The following ZFYVE16 variants were observed in gnomAD, a reference collection of about 807,000 sequenced individuals.
ZFYVE16 encodes the protein zinc finger FYVE domain-containing protein 16.
In ZFYVE16, 89 loss-of-function variants were observed where a neutral mutation model predicts 138.1. The observed-to-expected ratio is 0.64, with a 90% CI of 0.54 to 0.77. ZFYVE16 has a LOEUF of 0.77. Among genes scored for constraint, ZFYVE16 ranks in the 30% least tolerant of loss-of-function variants. The pLI is 0.00. For missense variants in ZFYVE16, 1,793 were observed against 1,786.7 expected, an observed-to-expected ratio of 1.00 and a Z score of -0.06; for synonymous variants, 596 against 618.3, an observed-to-expected ratio of 0.96 and a Z score of 0.53.
At chr5:80,427,434 C>G (rs1408867391) in intron 1 of ZFYVE16, 58 bp from the exon 2 acceptor site, 2 of 151,956 alleles carry the variant, frequency 1.3e-5, no homozygotes, top group African/African-American at 4.8e-5. Context: ...CCCATTTAAG[C>G]CAGTGCCCTT....
Position 80,437,863 on chromosome 5 carries a change from C to T in ZFYVE16, c.1178C>T (p.Ala393Val). The T allele has an allele frequency of 3.1e-6, 5 of 1,613,944 alleles. No individual in the cohort carries two copies. Among genetic ancestry groups the T allele is most frequent in the Non-Finnish European group, 4.2e-6 (5 of 1,179,962 alleles). The change falls in exon 4 of 19, where the codon GCA becomes GTA. Residue 393 changes from alanine to valine, a missense_variant. Ala to Val is a moderately conservative substitution (Grantham distance 64). Around this residue, in one of 2 missense-constraint regions of ZFYVE16, gnomAD observed 1,295 missense variants for 1,204.3 expected, o/e 1.08. Coordinates refer to ENST00000505560, the MANE Select transcript of ZFYVE16 (RefSeq NM_001284236.3). ...SMCGSLIESKARGDFLPQHEH... is the reference protein window; with the variant it reads ...SMCGSLIESKVRGDFLPQHEH... ...TGTGGATCATTAATTGAAAGTAAAG[C>T]ACGGGGTGATTTTTTACCTCAGCAT...
intron 5 of ZFYVE16, chr5:80,440,500 A>G: frequency 1.0e-6 from 1 of 985,470 alleles, no homozygotes; most frequent in Non-Finnish European, 1.2e-6. Context: ...GATTTTATAA[A>G]TTCATAGGAC....
intron 15 of ZFYVE16, among the ~76,000 whole-genome samples, chr5:80,464,326 AC>A: frequency 6.6e-6 from 1 of 152,290 alleles, no homozygotes; most frequent in East Asian, 1.9e-4. Context: ...CACCTTCTTC[AC>A]AAGGCGGCAG....
In ZFYVE16 at chr5:80,436,760, A is replaced by G. The variant is rs1026331166; in HGVS notation, c.75A>G (p.Glu25=). 6.2e-7 allele frequency: 1 copy of G among 1,605,486 alleles called. No homozygotes were observed. The highest frequency in any genetic ancestry group is 1.1e-5 in the South Asian group (1 of 90,218). Residue 25 remains glutamate (E), a synonymous_variant, in exon 4 of 19, where the codon GAA becomes GAG. Coordinates refer to ENST00000505560, the MANE Select transcript of ZFYVE16 (RefSeq NM_001284236.3). ...LLDDFEQNPD[E]QDYLQDVQNA... is the part of the protein sequence containing the mutation. ...AACACTGTTTCTCTATTTCAGATGA[A>G]CAAGATTATCTCCAAGATGTACAAA...
At chr5:80,415,971 G>A (rs1302565116) in intron 1 of ZFYVE16, among the ~76,000 whole-genome samples, 1 of 151,782 alleles carries the variant, frequency 6.6e-6, no homozygotes, top group East Asian at 2.0e-4. Context: ...CGGCCAACTT[G>A]CCACTTTTAA....
In ZFYVE16 at chr5:80,428,689, A is replaced by G. The variant is rs186838414; in HGVS notation, c.-40+1144A>G. Among the ~76,000 whole-genome samples the G allele has an allele frequency of 1.7e-4, 26 of 152,340 alleles. No individual in the cohort carries two copies. The South Asian group carries it at 3.7e-3, about 22-fold the overall frequency. Reference sequence around the variant, plus strand: ...AAGCAGGAAGTTCGAACCCATCGCAAAGAAGCTAAAAACCTTGAAGAAAGA... The same window carrying G: ...AAGCAGGAAGTTCGAACCCATCGCAGAGAAGCTAAAAACCTTGAAGAAAGA... On this transcript the variant is annotated intron_variant, in intron 2 of 18. Transcript: ENST00000505560.
intron 1 of ZFYVE16, chr5:80,409,938 C>A (rs1483357131): frequency 6.6e-6 from 1 of 151,966 alleles, no homozygotes; most frequent in Non-Finnish European, 1.5e-5. Flanking sequence ...AGTGTTTTTT[C>A]TGTAAGTAGA....
chr5:80,471,575 G>A (rs1024762658), intron 15 of ZFYVE16, among the ~76,000 whole-genome samples: 3 of 152,028 alleles, frequency 2.0e-5, no homozygotes, highest in African/African-American at 4.8e-5. Flanking sequence ...CCAGTGCATC[G>A]TTGGCACCAC....
At chr5:80,451,918 CTTT>C (rs1182068016) in intron 11 of ZFYVE16, 1 of 480,866 alleles carries the variant, frequency 2.1e-6, no homozygotes, top group Non-Finnish European at 3.6e-6. Context: ...TTCATAAGTT[CTTT>C]TATTACCTAA....
chr5:80,472,434 T>C (rs1754476576), intron 15 of ZFYVE16, among the ~76,000 whole-genome samples: 1 of 151,894 alleles, frequency 6.6e-6, no homozygotes, highest in South Asian at 2.1e-4. Flanking sequence ...GATCTCAGTA[T>C]TGCACTGCCT....
intron 1 of ZFYVE16, among the ~76,000 whole-genome samples, chr5:80,415,451 C>G (rs1204269216): frequency 6.6e-6 from 1 of 152,106 alleles, no homozygotes; most frequent in Non-Finnish European, 1.5e-5. Flanking sequence ...GTAGTCCTGT[C>G]TCCTTAGGCA....
intron 2 of ZFYVE16, among the ~76,000 whole-genome samples, chr5:80,433,436 G>A (rs1296592617): frequency 6.6e-6 from 1 of 152,116 alleles, no homozygotes; most frequent in Non-Finnish European, 1.5e-5. Flanking sequence ...AGGGCCTGTC[G>A]TGGTGTGGGG....
chr5:80,472,152 T>C (rs1000193420), intron 15 of ZFYVE16, among the ~76,000 whole-genome samples: 1 of 152,022 alleles, frequency 6.6e-6, no homozygotes, highest in African/African-American at 2.4e-5. Flanking sequence ...GACTTCAAAG[T>C]CTTCCATGCA....
Position 80,426,264 on chromosome 5 carries a change from GTGTGTGTGTATA to G in ZFYVE16, c.-93-1226_-93-1215del, listed in dbSNP as rs1561246027. The stretch of plus-strand genomic sequence containing the variant: ...TGTCTGTGTGTGTGTGTGTGTGTGT[GTGTGTGTGTATA>G]TATATATATATATATATAATTAAAT... On this transcript the variant is annotated intron_variant, in intron 1 of 18. Transcript: ENST00000505560. 5.4e-4 allele frequency among the ~76,000 whole-genome samples: 30 copies of G among 55,052 alleles called. No homozygotes were observed. In the East Asian group the frequency reaches 0.01, roughly 19 times the overall value. 36.1% of individuals were successfully genotyped at this position (55,052 alleles called of 152,430 possible).
chr5:80,436,839 C>A lies in ZFYVE16; in HGVS notation c.154C>A (p.Arg52=), dbSNP rs768034228. 2 of 1,614,080 alleles carry A rather than the reference C, an allele frequency of 1.2e-6. No individual in the cohort carries two copies. The highest frequency in any genetic ancestry group is 1.7e-5 in the Admixed American group (1 of 60,010). ...TTCTTCAGAGTTGGCTTCCTCACAG[C>A]GAACTTCATTGCTCCCAAAAGACCA... ...SVSSELASSQ[R]TSLLPKDQEC... The change falls in exon 4 of 19, where the codon CGA becomes AGA. Residue 52 remains arginine, a synonymous_variant. Transcript: ENST00000505560.
chr5:80,454,013 A>G (rs1752253212), intron 11 of ZFYVE16: 1 of 152,228 alleles, frequency 6.6e-6, no homozygotes, highest in Admixed American at 6.5e-5. Flanking sequence ...CCCCTCATTC[A>G]TATAAGGCAA....
In ZFYVE16 at chr5:80,445,160, A is replaced by T. The variant is rs1169074132; in HGVS notation, c.2582-103A>T. 2.3e-6 allele frequency: 3 copies of T among 1,310,524 alleles called. No homozygotes were observed. The East Asian group carries it at 7.1e-5, about 31-fold the overall frequency. 81.2% of individuals were successfully genotyped at this position (1,310,524 alleles called of 1,614,324 possible). A position where few individuals can be genotyped will look rare whatever the true frequency, so the allele number is the denominator to read the frequency against. On this transcript the variant is annotated intron_variant, in intron 6 of 18. Transcript: ENST00000505560. ...TAGCCCTGAGAATTCAGGGGTTGCC[A>T]GTGGATAGCAAAAAGCTTTTGAAAA...
At chr5:80,451,203 A>AAT (rs1751957835) in intron 10 of ZFYVE16, among the ~76,000 whole-genome samples, 1 of 152,210 alleles carries the variant, frequency 6.6e-6, no homozygotes, top group Non-Finnish European at 1.5e-5. Context: ...ACCATGCCGT[A>AAT]AGGAGAAAAA....
At chr5:80,439,913 A>G (rs1295259129) in intron 4 of ZFYVE16, 23 bp from the exon 5 acceptor site, 1 of 1,588,714 alleles carries the variant, frequency 6.3e-7, no homozygotes, top group East Asian at 2.3e-5. Flanking sequence ...ACAAAGACAA[A>G]TTTGATATTT....
Sources: gnomAD v4.1 joint callset for allele counts (sites outside exome capture counted in the v4.1 genomes callset) on GRCh38, gnomAD v4.1.1 for gene constraint, gnomAD v4.1.1 regional missense constraint, MANE v1.5 for transcripts, NCBI Gene and HGNC (gene_info 2026-07-23, HGNC 2026-07-21) for gene names.